The following MCC variants were observed in gnomAD, a reference collection of about 807,000 sequenced individuals.
MCC encodes the protein MCC regulator of Wnt signaling pathway, also known as colorectal mutant cancer protein.
A neutral mutation model predicts 116.2 loss-of-function variants in MCC; 90 were observed. That is an observed-to-expected ratio of 0.77 (90% CI 0.65 to 0.92). The LOEUF is 0.92. Ranked by LOEUF, MCC falls within the 40% of genes least tolerant of loss-of-function variation. The pLI is 0.00. For missense variants in MCC, 1,516 were observed against 1,312.2 expected, an observed-to-expected ratio of 1.16 and a Z score of -2.40; for synonymous variants, 578 against 510.5, an observed-to-expected ratio of 1.13 and a Z score of -1.78.
intron 8 of MCC, among the ~76,000 whole-genome samples, chr5:113,088,296 T>G (rs4397122): frequency 0.99 from 149,952 of 152,058 alleles, 73,986 homozygotes; most frequent in Middle Eastern, 1. Context: ...TGCAAGAAAC[T>G]AAGGCTAAAG....
At chr5:113,028,332 G>A (rs1341642441) in intron 18 of MCC, among the ~76,000 whole-genome samples, 4 of 151,964 alleles carry the variant, frequency 2.6e-5, no homozygotes, top group African/African-American at 9.7e-5. Context: ...TAAGACCAGT[G>A]CCACTTTTCT....
At chr5:113,084,265 C>G in intron 9 of MCC, 75 bp from the exon 10 acceptor site, 4 of 1,150,912 alleles carry the variant, frequency 3.5e-6, no homozygotes, top group Non-Finnish European at 5.2e-6. Context: ...TACGCTTATA[C>G]AGGGCTACTT....
intron 3 of MCC, among the ~76,000 whole-genome samples, chr5:113,235,224 C>T (rs1444825397): frequency 2.0e-5 from 3 of 152,190 alleles, no homozygotes; most frequent in Non-Finnish European, 4.4e-5. Context: ...CATCCTTTTT[C>T]ACTTCATATT....
intron 2 of MCC, among the ~76,000 whole-genome samples, chr5:113,365,182 C>CTGGAAT (rs1168981380): frequency 6.6e-6 from 1 of 151,962 alleles, no homozygotes; most frequent in Non-Finnish European, 1.5e-5. Context: ...TTTTATGTCA[C>CTGGAAT]TTTTCTGCTC....
chr5:113,445,759 C>T (rs1174565807), intron 1 of MCC, among the ~76,000 whole-genome samples: 1 of 152,060 alleles, frequency 6.6e-6, no homozygotes. Flanking sequence ...TTCTAATACT[C>T]ATATAGAATG....
chr5:113,370,030 G>A (rs926300932), intron 2 of MCC, among the ~76,000 whole-genome samples: 10 of 152,058 alleles, frequency 6.6e-5, no homozygotes, highest in African/African-American at 2.4e-4. Flanking sequence ...TATTTCTTGG[G>A]GATAAACCAA....
At chr5:113,436,296 C>G (rs1284816512) in intron 1 of MCC, 1 of 152,432 alleles carries the variant, frequency 6.6e-6, no homozygotes, top group Non-Finnish European at 1.5e-5. Flanking sequence ...TGGGGAAACC[C>G]CAAGTGCTGT....
chr5:113,453,985 T>C lies in MCC; in HGVS notation c.170+34260A>G, dbSNP rs1321939903. Among the ~76,000 whole-genome samples the C allele has an allele frequency of 2.6e-5, 4 of 151,964 alleles. 1 individual carries two copies. In the East Asian group the frequency reaches 5.8e-4, roughly 22 times the overall value. ...ATTAGCCGGGTGTGATGGCACATGA[T>C]TGTAATCCCAGCTGTTCGGCAGGCT... On this transcript the variant is annotated intron_variant, in intron 1 of 18. Transcript: ENST00000408903.
chr5:113,443,772 G>C (rs935744644), intron 1 of MCC, among the ~76,000 whole-genome samples: 2 of 152,090 alleles, frequency 1.3e-5, no homozygotes, highest in Admixed American at 1.3e-4. Context: ...TTTTGTCATT[G>C]GTTGTGTTTA....
intron 3 of MCC, among the ~76,000 whole-genome samples, chr5:113,298,822 T>C (rs547729266): frequency 1.4e-4 from 22 of 152,140 alleles, no homozygotes; most frequent in Non-Finnish European, 3.1e-4. Context: ...AACTTCCTCT[T>C]TGTAATTGTG....
rs537298692 is a variant in MCC, at chr5:113,029,010, C to G, written c.2803G>C (p.Glu935Gln). Reference protein sequence around the residue: ...ARVQELVSALERLTKSSEIRH... With the variant: ...ARVQELVSALQRLTKSSEIRH... ...ATTTCACTGCTCTTGGTGAGTCTCT[C>G]CAAGGCACTCACCAGCTCTTGAACT... The change falls in exon 18 of 19, where the codon GAG becomes CAG. Residue 935 changes from glutamate to glutamine, a missense_variant. Coordinates refer to ENST00000408903, the MANE Select transcript of MCC (RefSeq NM_001085377.2). 1 of 1,613,738 alleles carries G rather than the reference C, an allele frequency of 6.2e-7. No homozygotes were observed. Among genetic ancestry groups the G allele is most frequent in the East Asian group, 2.2e-5 (1 of 44,864 alleles).
At chr5:113,233,119 T>TG (rs1253284910) in intron 3 of MCC, among the ~76,000 whole-genome samples, 1 of 152,074 alleles carries the variant, frequency 6.6e-6, no homozygotes, top group African/African-American at 2.4e-5. Context: ...AGAGAGGAAA[T>TG]GAGTGTTATA....
At chr5:113,254,892 A>G (rs1004303710) in intron 3 of MCC, among the ~76,000 whole-genome samples, 2 of 152,176 alleles carry the variant, frequency 1.3e-5, no homozygotes, top group African/African-American at 2.4e-5. Flanking sequence ...CCTTAAAAAC[A>G]TAAGAGTGGG....
At chr5:113,380,172 C>T (rs186700145) in intron 2 of MCC, among the ~76,000 whole-genome samples, 158 of 152,344 alleles carry the variant, frequency 1.0e-3, no homozygotes, top group African/African-American at 3.7e-3. Flanking sequence ...CAATAAACTT[C>T]TTCTGGCACT....
rs140184449 is a variant in MCC, at chr5:113,416,207, C to T, written c.171-30995G>A. ...CATCTTGGAATGGACCTATGCAACT[C>T]TTAAAAAGAATAAGGTCCCGACTTT... On this transcript the variant is annotated intron_variant, in intron 1 of 18. Coordinates refer to ENST00000408903, the MANE Select transcript of MCC (RefSeq NM_001085377.2). 1.1e-3 allele frequency among the ~76,000 whole-genome samples: 172 copies of T among 152,288 alleles called. 1 individual carries two copies. The highest frequency in any genetic ancestry group is 3.6e-3 in the African/African-American group (151 of 41,552).
intron 3 of MCC, among the ~76,000 whole-genome samples, chr5:113,288,993 C>T (rs1272287275): frequency 6.6e-6 from 1 of 151,920 alleles, no homozygotes; most frequent in Non-Finnish European, 1.5e-5. Flanking sequence ...TAAAGCAAAA[C>T]AAAACAAAAA....
chr5:113,459,825 AACACACACAC>A (rs5870543), intron 1 of MCC, among the ~76,000 whole-genome samples: 18,605 of 147,602 alleles, frequency 0.13, 1,362 homozygotes, highest in Non-Finnish European at 0.18. Flanking sequence ...CGCTATGGAA[AACACACACAC>A]ACACACACAC....
At chr5:113,461,439 G>C (rs1478010890) in intron 1 of MCC, among the ~76,000 whole-genome samples, 1 of 152,104 alleles carries the variant, frequency 6.6e-6, no homozygotes, top group East Asian at 1.9e-4. Flanking sequence ...GGAGTGGAGA[G>C]GAGATTAGAA....
intron 11 of MCC, among the ~76,000 whole-genome samples, chr5:113,071,753 C>T (rs1754058310): frequency 6.6e-6 from 1 of 152,190 alleles, no homozygotes; most frequent in South Asian, 2.1e-4. Flanking sequence ...AAGTATCTTG[C>T]CCTGGGATTT....
Sources: gnomAD v4.1 joint callset for allele counts (sites outside exome capture counted in the v4.1 genomes callset) on GRCh38, gnomAD v4.1.1 for gene constraint, MANE v1.5 for transcripts, NCBI Gene and HGNC (gene_info 2026-07-23, HGNC 2026-07-21) for gene names.